SLC25A21: variants seen among roughly 807,000 people sequenced by gnomAD.
SLC25A21 encodes the protein solute carrier family 25 member 21.
SLC25A21 carries 47 observed loss-of-function variants against 43.8 expected under a neutral mutation model. That is an observed-to-expected ratio of 1.07 (90% CI 0.85 to 1.37). The LOEUF is 1.37. Among genes scored for constraint, SLC25A21 ranks in the 40% most tolerant of loss-of-function variants. SLC25A21 has a pLI of 0.00. For missense variants in SLC25A21, 352 were observed against 350.2 expected, an observed-to-expected ratio of 1.00 and a Z score of -0.04; for synonymous variants, 131 against 121.3, an observed-to-expected ratio of 1.08 and a Z score of -0.52.
At chr14:37,156,681 AAG>A (rs1175706422) in intron 1 of SLC25A21, among the ~76,000 whole-genome samples, 2 of 150,740 alleles carry the variant, frequency 1.3e-5, no homozygotes, top group African/African-American at 5.0e-5. Flanking sequence ...AAGAAAGACA[AAG>A]ATGGTCATTA....
intron 1 of SLC25A21, among the ~76,000 whole-genome samples, chr14:36,919,087 G>A (rs1409547598): frequency 6.6e-6 from 1 of 151,612 alleles, no homozygotes; most frequent in African/African-American, 2.4e-5. Context: ...ATAAATGAAT[G>A]GATGAATGAA....
Position 36,678,933 on chromosome 14 carries a change from T to C in SLC25A21, c.*1725A>G. Reference sequence around the variant, plus strand: ...AATACGAGAAGGAAAATAGGATGGATTAAAGGGTTAACTTTTAAAGATTAT... The same window carrying C: ...AATACGAGAAGGAAAATAGGATGGACTAAAGGGTTAACTTTTAAAGATTAT... On this transcript the variant is annotated 3_prime_UTR_variant, in exon 10 of 10. Transcript: ENST00000331299. 1 of 980,764 alleles carries C rather than the reference T, an allele frequency of 1.0e-6. No individual in the cohort carries two copies. Among genetic ancestry groups the C allele is most frequent in the Non-Finnish European group, 1.2e-6 (1 of 825,500 alleles). 60.8% of individuals were successfully genotyped at this position (980,764 alleles called of 1,614,324 possible).
At chr14:37,042,708 C>T (rs1961500863) in intron 1 of SLC25A21, among the ~76,000 whole-genome samples, 1 of 152,332 alleles carries the variant, frequency 6.6e-6, no homozygotes, top group South Asian at 2.1e-4. Context: ...GTTTGGTTCA[C>T]ACAGTCTTTG....
intron 1 of SLC25A21, among the ~76,000 whole-genome samples, chr14:37,100,244 A>G (rs1175327159): frequency 6.6e-6 from 1 of 152,006 alleles, no homozygotes; most frequent in African/African-American, 2.4e-5. Context: ...TTTTTAGTAG[A>G]GATGGGGTTT....
chr14:36,875,116 C>T lies in SLC25A21; in HGVS notation c.71-112G>A, dbSNP rs10152058. On this transcript the variant is annotated intron_variant, in intron 1 of 9. Coordinates refer to ENST00000331299, the MANE Select transcript of SLC25A21 (RefSeq NM_030631.4). ...GGTTCAGATAAAGAACTTGGGACTT[C>T]GGATATGACAGCTAATAGTAATAGG... 1,471 of 700,518 alleles carry T rather than the reference C, an allele frequency of 2.1e-3. 24 individuals are homozygous for T. In the African/African-American group the frequency reaches 0.024, roughly 11 times the overall value. 43.4% of individuals were successfully genotyped at this position (700,518 alleles called of 1,614,324 possible). A position where few individuals can be genotyped will look rare whatever the true frequency, so the allele number is the denominator to read the frequency against.
intron 2 of SLC25A21, among the ~76,000 whole-genome samples, chr14:36,845,988 G>A (rs1017142165): frequency 6.6e-6 from 1 of 152,164 alleles, no homozygotes; most frequent in Non-Finnish European, 1.5e-5. Flanking sequence ...GTTCAGCACT[G>A]GACATGGATA....
chr14:36,727,287 A>T (rs986518233), intron 5 of SLC25A21, among the ~76,000 whole-genome samples: 5 of 152,242 alleles, frequency 3.3e-5, no homozygotes, highest in Admixed American at 3.3e-4. Context: ...AATGGAAATA[A>T]TAATATCTAA....
At chr14:36,939,312 G>A (rs75934735) in intron 1 of SLC25A21, among the ~76,000 whole-genome samples, 3,254 of 152,106 alleles carry the variant, frequency 0.021, 124 homozygotes, top group African/African-American at 0.075. Context: ...CAGGGGTGGG[G>A]GGGGAATGTA....
intron 3 of SLC25A21, among the ~76,000 whole-genome samples, chr14:36,780,479 T>C (rs1364566323): frequency 6.6e-6 from 1 of 152,110 alleles, no homozygotes; most frequent in East Asian, 1.9e-4. Context: ...GCTATAAAAT[T>C]CCCTCTTAGA....
rs1887388059 is a variant in SLC25A21 at position 36,789,787 on chromosome 14, TATATATAATATATTTTATATATTA to T, written c.203+24107_203+24130del. ...TTATATATAATACATTTTATATATT[TATATATAATATATTTTATATATTA>T]TATATAATATATTTTATATATTTAT... On this transcript the variant is annotated intron_variant, in intron 3 of 9. Coordinates refer to ENST00000331299, the MANE Select transcript of SLC25A21 (RefSeq NM_030631.4). Among the ~76,000 whole-genome samples the T allele has an allele frequency of 3.4e-5, 4 of 115,950 alleles. 1 individual carries two copies. The highest frequency in any genetic ancestry group is 2.5e-4 in the South Asian group (1 of 3,994). 76.1% of individuals were successfully genotyped at this position (115,950 alleles called of 152,430 possible).
chr14:37,148,986 C>G (rs541113690), intron 1 of SLC25A21, among the ~76,000 whole-genome samples: 24 of 152,198 alleles, frequency 1.6e-4, no homozygotes, highest in Middle Eastern at 3.4e-3. Flanking sequence ...CTCACAATAG[C>G]CTCAACCTCC....
intron 2 of SLC25A21, among the ~76,000 whole-genome samples, chr14:36,826,784 G>C (rs918095085): frequency 5.9e-5 from 9 of 152,182 alleles, no homozygotes; most frequent in African/African-American, 2.2e-4. Context: ...GCTGTCCTGG[G>C]GGGAGGAGGA....
intron 3 of SLC25A21, among the ~76,000 whole-genome samples, chr14:36,736,169 TCGTGATC>T (rs1885032649): frequency 1.3e-5 from 2 of 152,204 alleles, no homozygotes; most frequent in East Asian, 3.9e-4. Context: ...TCTCCTGACC[TCGTGATC>T]CGCCTGCCTT....
chr14:36,681,108 G>A (rs923842223), intron 9 of SLC25A21, among the ~76,000 whole-genome samples: 6 of 151,912 alleles, frequency 3.9e-5, no homozygotes, highest in East Asian at 1.9e-4. Flanking sequence ...TTTTCAGTCC[G>A]TAATTAGCAG....
At chr14:37,159,175 T>G (rs1963898248) in intron 1 of SLC25A21, among the ~76,000 whole-genome samples, 1 of 151,138 alleles carries the variant, frequency 6.6e-6, no homozygotes, top group East Asian at 2.0e-4. Flanking sequence ...AATCTACAGA[T>G]TCAATGCAAT....
At chr14:36,960,416 A>G (rs527396896) in intron 1 of SLC25A21, among the ~76,000 whole-genome samples, 1 of 152,222 alleles carries the variant, frequency 6.6e-6, no homozygotes, top group East Asian at 1.9e-4. Flanking sequence ...GCAAGAACTG[A>G]GGGAGGTAAG....
At chr14:36,963,600 T>C (rs1959546496) in intron 1 of SLC25A21, among the ~76,000 whole-genome samples, 1 of 152,138 alleles carries the variant, frequency 6.6e-6, no homozygotes, top group African/African-American at 2.4e-5. Flanking sequence ...CATTTTGATG[T>C]TTTGCTAGTG....
rs1276808237 is a variant in SLC25A21 at position 36,875,013 on chromosome 14, T to C, written c.71-9A>G. The stretch of plus-strand genomic sequence containing the variant: ...GCAAATTTCTACAAGACCTGAAAGA[T>C]GATAAAGAAAATCCAATAAACACTT... On this transcript the variant is annotated splice_polypyrimidine_tract_variant and intron_variant, in intron 1 of 9. Transcript: ENST00000331299. 4 of 1,501,228 alleles carry C rather than the reference T, an allele frequency of 2.7e-6. No individual in the cohort carries two copies. The African/African-American group carries it at 5.5e-5, about 21-fold the overall frequency. The allele number at this position is 1,501,228 out of a possible 1,614,324, so 93.0% of individuals were successfully genotyped here.
At chr14:36,725,483 A>C in intron 6 of SLC25A21, 87 bp downstream of exon 6, 3 of 215,516 alleles carry the variant, frequency 1.4e-5, no homozygotes, top group Non-Finnish European at 2.2e-5. Context: ...CCCAAAATAA[A>C]TAAATAAATA....
Sources: gnomAD v4.1 joint callset for allele counts (sites outside exome capture counted in the v4.1 genomes callset) on GRCh38, gnomAD v4.1.1 for gene constraint, MANE v1.5 for transcripts, NCBI Gene and HGNC (gene_info 2026-07-23, HGNC 2026-07-21) for gene names.